Variants in ZP2 observed in about 807,000 individuals in gnomAD.
The protein encoded by ZP2 is zona pellucida sperm-binding protein 2.
Under a neutral mutation model 84.0 loss-of-function variants are expected in ZP2, and 51 were observed. The observed-to-expected ratio is 0.61, with a 90% confidence interval of 0.49 to 0.77. The LOEUF (loss-of-function observed/expected upper bound fraction) is 0.77, where lower values mean the gene tolerates loss of function less well. Among genes scored for constraint, ZP2 ranks in the 30% least tolerant of loss-of-function variants. The pLI is 0.00. For missense variants in ZP2, 909 were observed against 911.9 expected (o/e 1.00, Z 0.04); for synonymous variants, 375 against 330.9 (o/e 1.13, Z -1.45).
In ZP2 at chr16:21,211,486, C is replaced by T. The variant is rs2093275041; in HGVS notation, c.62G>A (p.Ser21Asn). The T allele has an allele frequency of 1.2e-6, 2 of 1,614,120 alleles. No homozygotes were observed. Among genetic ancestry groups the T allele is most frequent in the East Asian group, 2.2e-5 (1 of 44,884 alleles). The change falls in exon 1 of 19, where the codon AGC becomes AAC. Residue 21 changes from serine (S) to asparagine (N), a missense_variant and splice_region_variant. Transcript: ENST00000574091. ...TCCCTCCACTTCCAGAATTACTCAC[C>T]TCCAGCCTGCATTGAACCAGCCTGA... ...SPSGWFNAGW[S>N]TYRSISLFFA...
chr16:21,212,954 T>C (rs1015371154), upstream of ZP2, among the ~76,000 whole-genome samples: 1 of 152,208 alleles, frequency 6.6e-6, no homozygotes, highest in African/African-American at 2.4e-5. Flanking sequence ...AATAGGTGGA[T>C]ATAAGGCTTA....
chr16:21,197,930 A>G (rs2093207188), intron 17 of ZP2, 81 bp from the exon 18 acceptor site: 4 of 1,392,816 alleles, frequency 2.9e-6, no homozygotes, highest in Non-Finnish European at 3.1e-6. Context: ...GTGATCCCAC[A>G]GGTTGTTCAT....
At chr16:21,212,263 T>A (rs1276676953), upstream of ZP2, among the ~76,000 whole-genome samples, 2 of 152,196 alleles carry the variant, frequency 1.3e-5, no homozygotes, top group Non-Finnish European at 2.9e-5. Flanking sequence ...TTCTGGCTAC[T>A]GCAGAAGTTA....
Position 21,211,357 on chromosome 16 carries a change from G to C in ZP2, c.101C>G (p.Thr34Ser), listed in dbSNP as rs763331580. Residue 34 changes from threonine to serine, a missense_variant, in exon 2 of 19, where the codon ACT becomes AGT. Transcript: ENST00000574091. ...RSISLFFALV[T>S]SGNSIDVSQL... ...AGAAACATCTATGGAGTTCCCTGAA[G>C]TCACAAGGGCGAAGAAGAGAGAAAT... 6.2e-7 allele frequency: 1 copy of C among 1,614,164 alleles called. No individual in the cohort carries two copies. Among genetic ancestry groups the C allele is most frequent in the South Asian group, 1.1e-5 (1 of 91,078 alleles).
chr16:21,212,328 C>T (rs2093278610), upstream of ZP2, among the ~76,000 whole-genome samples: 1 of 152,112 alleles, frequency 6.6e-6, no homozygotes, highest in Non-Finnish European at 1.5e-5. Flanking sequence ...CTTGTTGACC[C>T]CCAAGTGTAA....
intron 10 of ZP2, 42 bp from the exon 11 acceptor site, chr16:21,202,333 C>A: frequency 2.0e-6 from 3 of 1,464,716 alleles, no homozygotes; most frequent in South Asian, 3.1e-5. Flanking sequence ...GTTTGTCTGC[C>A]CTGTGATACT....
chr16:21,210,084 TGAG>T (rs1373673201), intron 3 of ZP2, 22 bp downstream of exon 3: 1 of 1,604,124 alleles, frequency 6.2e-7, no homozygotes, highest in Non-Finnish European at 8.5e-7. Flanking sequence ...ATCAGGACTA[TGAG>T]GAGATAACAC....
At chr16:21,213,121 T>C (rs2093280922), upstream of ZP2, among the ~76,000 whole-genome samples, 1 of 152,206 alleles carries the variant, frequency 6.6e-6, no homozygotes. Flanking sequence ...CTTGGCTCAC[T>C]GCAACCTCTG....
rs766492260 is a variant in ZP2 at position 21,206,882 on chromosome 16, G to C, written c.439C>G (p.Gln147Glu). 6.2e-7 allele frequency: 1 copy of C among 1,613,992 alleles called. No homozygotes were observed. Among genetic ancestry groups the C allele is most frequent in the Non-Finnish European group, 8.5e-7 (1 of 1,180,018 alleles). Residue 147 changes from glutamine to glutamate, a missense_variant, in exon 5 of 19, where the codon CAG (glutamine) becomes GAG (glutamate). Gln to Glu is a conservative substitution (Grantham distance 29). Transcript: ENST00000574091. ...CAGATTGTAGATGCTGAAAGCCCCTGGGTCTCTTCTACTTGCATAGCTGGA... is the reference window on the plus strand; with the variant it reads ...CAGATTGTAGATGCTGAAAGCCCCTCGGTCTCTTCTACTTGCATAGCTGGA... ...FCPAMQVEETQGLSASTICQK... is the reference protein window; with the variant it reads ...FCPAMQVEETEGLSASTICQK...
intron 17 of ZP2, 98 bp downstream of exon 17, chr16:21,198,681 G>T: frequency 1.0e-6 from 1 of 966,014 alleles, no homozygotes; most frequent in Non-Finnish European, 1.6e-6. Flanking sequence ...CTATTGTTTA[G>T]ACTCACCACG....
chr16:21,203,771 C>A, intron 9 of ZP2: 1 of 534,696 alleles, frequency 1.9e-6, no homozygotes, highest in East Asian at 3.4e-5. Flanking sequence ...TCAGTTGGGG[C>A]CTTAGACAGT....
At position 21,211,415 on chromosome 16, in the gene ZP2, T is replaced by C. The variant is rs770316442; in HGVS notation, c.63-20A>G. On this transcript the variant is annotated intron_variant, in intron 1 of 18. Coordinates refer to ENST00000574091, the MANE Select transcript of ZP2 (RefSeq NM_001376232.1). ...TAGGTGCTGGAAAGAGACAGGGAGA[T>C]AGTCAAGGAAGAATGGACTTTAACA... The C allele has an allele frequency of 2.5e-6, 4 of 1,614,020 alleles. No homozygotes were observed. In the Admixed American group the frequency reaches 6.7e-5, roughly 27 times the overall value.
intron 14 of ZP2, 139 bp downstream of exon 14, chr16:21,201,225 CAGAAG>C (rs1210650267): frequency 3.1e-6 from 2 of 654,394 alleles, no homozygotes; most frequent in Non-Finnish European, 4.6e-6. Flanking sequence ...AAACAGAAGG[CAGAAG>C]AGTCCCAATT....
chr16:21,210,485 G>A (rs1482834868), intron 2 of ZP2, among the ~76,000 whole-genome samples: 1 of 152,184 alleles, frequency 6.6e-6, no homozygotes, highest in Non-Finnish European at 1.5e-5. Context: ...GGAGCAGATG[G>A]AGGCAGGCCC....
At position 21,211,503 on chromosome 16, in the gene ZP2, C is replaced by T. The variant is rs2093275162; in HGVS notation, c.45G>A (p.Trp15Ter). ...TTACTCACCTCCAGCCTGCATTGAACCAGCCTGAGGGACTCCAAGAGCCTC... is the reference window on the plus strand; with the variant it reads ...TTACTCACCTCCAGCCTGCATTGAATCAGCCTGAGGGACTCCAAGAGCCTC... The part of the protein sequence containing the change: ...QRGGSWSPSG[W>*]FNAGWSTYRS... The change falls in exon 1 of 19, where the codon TGG (tryptophan) becomes TGA (stop). Residue 15 changes from tryptophan (W) to a stop codon, truncating the protein, a stop_gained. Transcript: ENST00000574091. LOFTEE classifies it high-confidence loss of function. The T allele has an allele frequency of 6.2e-7, 1 of 1,614,084 alleles. No individual in the cohort carries two copies. The highest frequency in any genetic ancestry group is 8.5e-7 in the Non-Finnish European group (1 of 1,180,036).
intron 14 of ZP2, among the ~76,000 whole-genome samples, chr16:21,200,247 G>A (rs2152854681): frequency 6.6e-6 from 1 of 152,264 alleles, no homozygotes; most frequent in East Asian, 1.9e-4. Flanking sequence ...AGACCAGCCT[G>A]GCCAACATGG....
chr16:21,205,803 CTT>C (rs1457456582), intron 5 of ZP2, 28 bp from the exon 6 acceptor site: 5 of 1,612,528 alleles, frequency 3.1e-6, no homozygotes, highest in Middle Eastern at 1.6e-4. Flanking sequence ...TGATGTAAGA[CTT>C]TGATTTGGAG....
chr16:21,207,866 A>T (rs1362969065), intron 4 of ZP2, among the ~76,000 whole-genome samples: 1 of 152,060 alleles, frequency 6.6e-6, no homozygotes. Flanking sequence ...GAAGATTAAG[A>T]AGATAAAACC....
intron 3 of ZP2, 57 bp downstream of exon 3, chr16:21,210,052 C>G: frequency 6.6e-7 from 1 of 1,525,180 alleles, no homozygotes; most frequent in Non-Finnish European, 9.1e-7. Flanking sequence ...CAGGATTGAC[C>G]TAAGCCAAAG....
Sources: allele counts gnomAD v4.1 joint callset (sites outside exome capture counted in the v4.1 genomes callset), GRCh38; gene constraint gnomAD v4.1.1; transcripts MANE v1.5; gene names NCBI Gene and HGNC (gene_info 2026-07-23, HGNC 2026-07-21).